TRAK1: variants seen among roughly 807,000 people sequenced by gnomAD.
The protein encoded by TRAK1 is trafficking kinesin-binding protein 1.
TRAK1 carries 33 observed loss-of-function variants against 92.1 expected under a neutral mutation model. That is an observed-to-expected ratio of 0.36 (90% CI 0.27 to 0.48). The LOEUF (loss-of-function observed/expected upper bound fraction) is 0.48. TRAK1 is among the 20% of genes least tolerant of loss of function. The probability of loss-of-function intolerance (pLI) is 0.99; values close to 1 mark genes in which losing one functional copy is unlikely to be tolerated. For missense variants in TRAK1, 1,123 were observed against 1,257.9 expected, an observed-to-expected ratio of 0.89 and a Z score of 1.62; for synonymous variants, 521 against 517.3, an observed-to-expected ratio of 1.01 and a Z score of -0.10.
chr3:42,101,296 T>C (rs548822470), intron 1 of TRAK1, among the ~76,000 whole-genome samples: 13 of 152,166 alleles, frequency 8.5e-5, no homozygotes, highest in Non-Finnish European at 2.9e-5. Flanking sequence ...CACAGAGTTG[T>C]GAAATATTTT....
At chr3:42,099,252 A>G (rs1706391035) in intron 1 of TRAK1, among the ~76,000 whole-genome samples, 1 of 151,856 alleles carries the variant, frequency 6.6e-6, no homozygotes, top group South Asian at 2.1e-4. Context: ...ACCGGGGCGG[A>G]GTTGCTGATG....
At chr3:42,062,375 A>C (rs1445651401) in intron 1 of TRAK1, among the ~76,000 whole-genome samples, 4 of 152,036 alleles carry the variant, frequency 2.6e-5, no homozygotes, top group Non-Finnish European at 1.5e-5. Context: ...GGCCAATTTC[A>C]AAAAAAATCA....
chr3:42,061,608 A>C (rs1310460115), intron 1 of TRAK1, among the ~76,000 whole-genome samples: 4 of 152,122 alleles, frequency 2.6e-5, no homozygotes, highest in African/African-American at 9.7e-5. Flanking sequence ...TGAGACACTT[A>C]ATATAGAAAT....
At chr3:42,184,215 C>T (rs1704460204) in intron 3 of TRAK1, among the ~76,000 whole-genome samples, 1 of 152,168 alleles carries the variant, frequency 6.6e-6, no homozygotes, top group Non-Finnish European at 1.5e-5. Flanking sequence ...AAGAGGCTGC[C>T]TCCCTGTGTC....
chr3:42,194,720 GT>G, intron 9 of TRAK1, 83 bp from the exon 10 acceptor site: 1 of 1,523,564 alleles, frequency 6.6e-7, no homozygotes, highest in East Asian at 2.3e-5. Context: ...AGATTGCTGT[GT>G]CTTTCTGGCC....
At chr3:42,164,719 C>T (rs1701660534) in intron 2 of TRAK1, among the ~76,000 whole-genome samples, 2 of 152,202 alleles carry the variant, frequency 1.3e-5, no homozygotes, top group Admixed American at 1.3e-4. Flanking sequence ...GGTCTTCTGG[C>T]TCCTGAAAAC....
chr3:42,220,925 C>T (rs977869993), intron 15 of TRAK1, among the ~76,000 whole-genome samples: 2 of 152,126 alleles, frequency 1.3e-5, no homozygotes, highest in Admixed American at 6.5e-5. Flanking sequence ...AACCATGGAA[C>T]CAAGCTTCTC....
At chr3:42,131,497 A>C (rs13060618) in intron 2 of TRAK1, among the ~76,000 whole-genome samples, 2 of 151,994 alleles carry the variant, frequency 1.3e-5, no homozygotes, top group African/African-American at 2.4e-5. Context: ...TGGGTGGATC[A>C]CCTGAGATCA....
intron 1 of TRAK1, among the ~76,000 whole-genome samples, chr3:42,038,780 T>G (rs1044253229): frequency 7.0e-6 from 1 of 142,280 alleles, no homozygotes; most frequent in Non-Finnish European, 1.5e-5. Context: ...AGAGTGAGAC[T>G]TCATCTCAAA....
chr3:42,050,469 G>A (rs1004344465), intron 1 of TRAK1, among the ~76,000 whole-genome samples: 1 of 152,104 alleles, frequency 6.6e-6, no homozygotes, highest in African/African-American at 2.4e-5. Flanking sequence ...CCAAAGCCCA[G>A]TTCCTACAAG....
At chr3:42,086,846 C>T (rs549936617), upstream of TRAK1, among the ~76,000 whole-genome samples, 2 of 152,260 alleles carry the variant, frequency 1.3e-5, no homozygotes, top group South Asian at 4.1e-4. Context: ...TTGCTTAGAG[C>T]TGCTTCAAGG....
intron 1 of TRAK1, among the ~76,000 whole-genome samples, chr3:42,110,829 T>C (rs1406620661): frequency 1.3e-5 from 2 of 152,196 alleles, no homozygotes; most frequent in African/African-American, 4.8e-5. Context: ...GAGGGTCGAT[T>C]TTCCCAGCGC....
At chr3:42,179,675 G>A (rs939761899) in intron 3 of TRAK1, among the ~76,000 whole-genome samples, 1 of 152,162 alleles carries the variant, frequency 6.6e-6, no homozygotes, top group African/African-American at 2.4e-5. Flanking sequence ...GTAAAAAGGG[G>A]CTGAGACTCA....
At chr3:42,062,874 C>T (rs961779838) in intron 1 of TRAK1, among the ~76,000 whole-genome samples, 7 of 152,090 alleles carry the variant, frequency 4.6e-5, no homozygotes, top group African/African-American at 1.2e-4. Context: ...GCAGTGAAGG[C>T]GTGTTTGTCT....
In TRAK1 at chr3:42,049,317, TATGTC is replaced by T. The variant is rs202246327; in HGVS notation, c.-519+35203_-519+35207del. ...GCCATCTTGGTTCCTCTTCCTTTTTTATGTCATTCATTTTTTTTTTCTCTGAAAGC... is the reference window on the plus strand; with the variant it reads ...GCCATCTTGGTTCCTCTTCCTTTTTTATTCATTTTTTTTTTCTCTGAAAGC... On this transcript the variant is annotated intron_variant, in intron 1 of 16. Transcript: ENST00000487159. Among the ~76,000 whole-genome samples, 280 of 133,088 alleles carry T rather than the reference TATGTC, an allele frequency of 2.1e-3. 3 individuals are homozygous for T. Among genetic ancestry groups the T allele is most frequent in the African/African-American group, 0.011 (272 of 24,490 alleles). 87.3% of individuals were successfully genotyped at this position (133,088 alleles called of 152,430 possible). A position where few individuals can be genotyped will look rare whatever the true frequency, so the allele number is the denominator to read the frequency against.
At chr3:42,018,131 G>A (rs1169679113) in intron 1 of TRAK1, among the ~76,000 whole-genome samples, 2 of 150,942 alleles carry the variant, frequency 1.3e-5, no homozygotes, top group East Asian at 1.9e-4. Context: ...AGTCAGGTGT[G>A]GTGATGTGCA....
At chr3:42,018,689 A>G (rs1037539850) in intron 1 of TRAK1, among the ~76,000 whole-genome samples, 3 of 152,202 alleles carry the variant, frequency 2.0e-5, no homozygotes, top group African/African-American at 7.2e-5. Flanking sequence ...ATTCCTCCTT[A>G]ATGACTAGAA....
intron 2 of TRAK1, among the ~76,000 whole-genome samples, chr3:42,168,575 C>T (rs764224373): frequency 3.9e-5 from 6 of 152,136 alleles, no homozygotes; most frequent in Non-Finnish European, 8.8e-5. Context: ...TCCTTGGCAA[C>T]CACTAATCTG....
chr3:42,053,376 G>A (rs1198360592), intron 1 of TRAK1, among the ~76,000 whole-genome samples: 30 of 52,042 alleles, frequency 5.8e-4, no homozygotes, highest in African/African-American at 1.5e-3. Flanking sequence ...AGAGTCGGGT[G>A]GGGGGGGGGG....
Sources: gnomAD v4.1 joint callset for allele counts (sites outside exome capture counted in the v4.1 genomes callset) on GRCh38, gnomAD v4.1.1 for gene constraint, MANE v1.5 for transcripts, NCBI Gene and HGNC (gene_info 2026-07-23, HGNC 2026-07-21) for gene names.